TTN: variants seen among roughly 807,000 people sequenced by gnomAD.
TTN encodes titin.
TTN carries 1,525 observed loss-of-function variants against 3,223.0 expected under a neutral mutation model. That is an observed-to-expected ratio of 0.47 (90% CI 0.45 to 0.49). The LOEUF (loss-of-function observed/expected upper bound fraction) is 0.49, where lower values mean the gene tolerates loss of function less well. Ranked by LOEUF, TTN falls within the 20% of genes least tolerant of loss-of-function variation. TTN has a pLI of 0.00. For missense variants in TTN, 40,786 were observed against 43,424.0 expected, an observed-to-expected ratio of 0.94 and a Z score of 5.40; for synonymous variants, 14,094 against 15,161.0, an observed-to-expected ratio of 0.93 and a Z score of 5.17.
rs1237202129 is a variant in TTN at position 178,536,961 on chromosome 2, A to G, written c.100148T>C (p.Val33383Ala). The change falls in exon 356 of 363, where the codon GTT becomes GCT. Residue 33383 changes from valine (V) to alanine (A), a missense_variant. Val to Ala is a moderately conservative substitution (Grantham distance 64, BLOSUM62 0). Coordinates refer to ENST00000589042, the MANE Select transcript of TTN (RefSeq NM_001267550.2). Reference sequence around the variant, plus strand: ...ACCAAATGGACTCTTAATGATCACAACTGAGGACACTTCTAGAGGGTCACT... The same window carrying G: ...ACCAAATGGACTCTTAATGATCACAGCTGAGGACACTTCTAGAGGGTCACT... Reference protein sequence around the residue: ...GISDPLEVSSVVIIKSPFEKP... With the variant: ...GISDPLEVSSAVIIKSPFEKP... 2 of 1,612,950 alleles carry G rather than the reference A, an allele frequency of 1.2e-6. No individual in the cohort carries two copies.
At chr2:178,750,063 TAGG>T (rs1357112807) in intron 47 of TTN, 1 of 1,613,214 alleles carries the variant, frequency 6.2e-7, no homozygotes, top group South Asian at 1.1e-5. Context: ...TGTTCTGGGA[TAGG>T]AGTAGCTGCT....
rs1231346071 is a variant in TTN at position 178,544,027 on chromosome 2, A to C, written c.96117T>G (p.Ser32039=). 6.2e-7 allele frequency: 1 copy of C among 1,613,636 alleles called. No homozygotes were observed. Among genetic ancestry groups the C allele is most frequent in the Non-Finnish European group, 8.5e-7 (1 of 1,179,704 alleles). Reference sequence around the variant, plus strand: ...ACGTTATGACAGGAGGTGGTCTTCCAGATACAGACACCATCAAGCGCAAGG... The same window carrying C: ...ACGTTATGACAGGAGGTGGTCTTCCCGATACAGACACCATCAAGCGCAAGG... ...GASLRLMVSV[S]GRPPPVITWS... The change falls in exon 346 of 363, where the codon TCT becomes TCG. Residue 32039 remains serine, a synonymous_variant. Transcript: ENST00000589042.
At chr2:178,600,793 A>G in intron 288 of TTN, 61 bp downstream of exon 288, 3 of 1,594,886 alleles carry the variant, frequency 1.9e-6, no homozygotes, top group South Asian at 1.1e-5. Flanking sequence ...GTGAACTATT[A>G]TTGAACACCT....
chr2:178,721,929 G>T lies in TTN; in HGVS notation c.22734C>A (p.Gly7578=), dbSNP rs747844754. 3.7e-5 allele frequency: 60 copies of T among 1,613,404 alleles called. 1 individual carries two copies. The Admixed American group carries it at 9.8e-4, about 26-fold the overall frequency. The stretch of plus-strand genomic sequence containing the variant: ...AAGTATATTGACCAGAGTCTCCTTT[G>T]CCTACTTTAAGAATTCTCAAATGAG... ...NTPHLRILKV[G]KGDSGQYTCQ... Residue 7578 remains glycine (G), a synonymous_variant, in exon 78 of 363, where the codon GGC becomes GGA. Transcript: ENST00000589042.
At chr2:178,652,017 T>G (rs367940697) in intron 204 of TTN, 50 bp from the exon 205 acceptor site, 11 of 1,610,872 alleles carry the variant, frequency 6.8e-6, no homozygotes, top group African/African-American at 4.0e-5. Context: ...AAAACTGAGA[T>G]AGTTTGCAAA....
At chr2:178,686,385 G>C (rs2562851) in intron 127 of TTN, among the ~76,000 whole-genome samples, 3,230 of 151,024 alleles carry the variant, frequency 0.021, 66 homozygotes, top group East Asian at 0.095. Context: ...CTCCCAAAGT[G>C]CTGGGATTAC....
rs150087464 is a variant in TTN at position 178,744,918 on chromosome 2, T to C, written c.11312-2997A>G. On this transcript the variant is annotated intron_variant, in intron 47 of 362. Transcript: ENST00000589042. ...TGAACCCTGCCCACAAAGAGCACAA[T>C]TGGTCCCTTGAAGCCAGTGAGAATT... is the stretch of plus-strand genomic sequence containing the variant. 243 of 985,240 alleles carry C rather than the reference T, an allele frequency of 2.5e-4. No individual in the cohort carries two copies. The African/African-American group carries it at 2.7e-3, about 11-fold the overall frequency. The allele number at this position is 985,240 out of a possible 1,614,324, so 61.0% of individuals were successfully genotyped here. A position where few individuals can be genotyped will look rare whatever the true frequency, so the allele number is the denominator to read the frequency against.
intron 169 of TTN, 25 bp downstream of exon 169, chr2:178,663,990 G>T (rs2065333326): frequency 6.2e-7 from 1 of 1,612,678 alleles, no homozygotes. Flanking sequence ...TAGGTCTTCT[G>T]AAGCCTAAAG....
intron 31 of TTN, 35 bp from the exon 32 acceptor site, chr2:178,773,760 T>G (rs2154344796): frequency 6.2e-7 from 1 of 1,614,056 alleles, no homozygotes; most frequent in South Asian, 1.1e-5. Flanking sequence ...TGAATGAATT[T>G]TGTTGAAATT....
intron 47 of TTN, chr2:178,744,687 C>T: frequency 1.0e-6 from 1 of 973,554 alleles, no homozygotes; most frequent in Non-Finnish European, 1.2e-6. Flanking sequence ...AAAAATATCC[C>T]ACCTTTTTTT....
At position 178,634,926 on chromosome 2, in the gene TTN, T is replaced by C; in HGVS notation, c.42025-77A>G. 1 of 1,498,728 alleles carries C rather than the reference T, an allele frequency of 6.7e-7. No homozygotes were observed. Among genetic ancestry groups the C allele is most frequent in the Non-Finnish European group, 8.9e-7 (1 of 1,126,286 alleles). The allele number at this position is 1,498,728 out of a possible 1,614,324, so 92.8% of individuals were successfully genotyped here. A position where few individuals can be genotyped will look rare whatever the true frequency, so the allele number is the denominator to read the frequency against. On this transcript the variant is annotated intron_variant, in intron 228 of 362. Transcript: ENST00000589042. This position sits in a 1 kb window ranked among gnomAD's most constrained non-coding sequence, Gnocchi z 4.6. ...GAGAAGTGTTTCAGATACAAATTTC[T>C]ATAGAGTTTTAAAAATTACTACTAA... is the stretch of plus-strand genomic sequence containing the variant.
intron 47 of TTN, chr2:178,747,984 CT>C (rs750893661): frequency 1.2e-6 from 2 of 1,612,902 alleles, no homozygotes; most frequent in African/African-American, 2.7e-5. Flanking sequence ...AAAGTGGCAT[CT>C]GTATATTCCT....
chr2:178,713,681 TATC>T, intron 92 of TTN: 1 of 754,094 alleles, frequency 1.3e-6, no homozygotes, highest in Non-Finnish European at 2.0e-6. Context: ...TTTTCATTCC[TATC>T]ATCATTTTGG....
rs1208330464 is a variant in TTN, at chr2:178,581,988, C to G, written c.66381G>C (p.Glu22127Asp). 1 of 1,613,296 alleles carries G rather than the reference C, an allele frequency of 6.2e-7. No homozygotes were observed. Among genetic ancestry groups the G allele is most frequent in the East Asian group, 2.2e-5 (1 of 44,762 alleles). The change falls in exon 315 of 363, where the codon GAG (glutamate) becomes GAC (aspartate). Residue 22127 changes from glutamate (E) to aspartate (D), a missense_variant. Coordinates refer to ENST00000589042, the MANE Select transcript of TTN (RefSeq NM_001267550.2). The stretch of plus-strand genomic sequence containing the variant: ...CTTTATTTATAGCTGTAACACGGAA[C>G]TCATATTCGGTACCTTCTTGAAGAC... ...ATGLQEGTEY[E>D]FRVTAINKAG...
At chr2:178,793,273 C>T in intron 9 of TTN, 131 bp downstream of exon 9, 2 of 1,377,640 alleles carry the variant, frequency 1.5e-6, no homozygotes, top group East Asian at 2.3e-5. Context: ...TTTACACATA[C>T]AACAAGGGGA....
chr2:178,632,322 G>A lies in TTN; in HGVS notation c.43572C>T (p.Asn14524=). The A allele has an allele frequency of 6.2e-7, 1 of 1,607,570 alleles. No individual in the cohort carries two copies. Among genetic ancestry groups the A allele is most frequent in the Non-Finnish European group, 8.5e-7 (1 of 1,176,780 alleles). The change falls in exon 236 of 363, where the codon AAC becomes AAT. Residue 14524 remains asparagine, a synonymous_variant. Transcript: ENST00000589042. ...AVFTVELSHD[N]IRVKWFKNDQ... is the part of the protein sequence containing the mutation. ...CATTCTTGAACCATTTAACTCGGAT[G>A]TTATCATGAGATAACTCCACAGTAA...
In TTN at chr2:178,611,084, G is replaced by T. The variant is rs55740486; in HGVS notation, c.51045C>A (p.Pro17015=). ...NDHISAHLEV[P]KSVRADAGIY... ...TTCCGGCATCTGCACGGACACTCTTGGGAACTTCAAGGTGTGCAGAGATGT... is the reference window on the plus strand; with the variant it reads ...TTCCGGCATCTGCACGGACACTCTTTGGAACTTCAAGGTGTGCAGAGATGT... The change falls in exon 270 of 363, where the codon CCC becomes CCA. Residue 17015 remains proline, a synonymous_variant. Transcript: ENST00000589042. 1.9e-6 allele frequency: 3 copies of T among 1,612,780 alleles called. No homozygotes were observed. The highest frequency in any genetic ancestry group is 4.5e-5 in the East Asian group (2 of 44,680).
chr2:178,712,272 C>T (rs946868938), intron 95 of TTN, 43 bp downstream of exon 95: 1 of 1,608,120 alleles, frequency 6.2e-7, no homozygotes, highest in Non-Finnish European at 8.5e-7. Context: ...CATGCCAGAT[C>T]ATCGATTGTA....
Position 178,773,942 on chromosome 2 carries a change from G to C in TTN, c.7226C>G (p.Ser2409Cys), listed in dbSNP as rs769246937. ...DRVHIVIDKQ[S>C]HMLLIEDMTK... The stretch of plus-strand genomic sequence containing the variant: ...CATGTCTTCAATGAGCAGCATATGA[G>C]ATTGTTTGTCTATCACAATGTGAAC... The change falls in exon 31 of 363, where the codon TCT becomes TGT. Residue 2409 changes from serine (S) to cysteine (C), a missense_variant. By Grantham distance (112) the Ser-to-Cys change is moderately radical. Transcript: ENST00000589042. 6.2e-7 allele frequency: 1 copy of C among 1,614,120 alleles called. No homozygotes were observed. Among genetic ancestry groups the C allele is most frequent in the Non-Finnish European group, 8.5e-7 (1 of 1,179,994 alleles).
Sources: allele counts gnomAD v4.1 joint callset (sites outside exome capture counted in the v4.1 genomes callset), GRCh38; gene constraint gnomAD v4.1.1; non-coding constraint Gnocchi (gnomAD v3.1); transcripts MANE v1.5; gene names NCBI Gene and HGNC (gene_info 2026-07-23, HGNC 2026-07-21).